The following ZFP36L2 variants were observed in gnomAD, a reference collection of about 807,000 sequenced individuals.
ZFP36L2 encodes the protein ZFP36 like 2 zinc finger CCCH-type, also known as mRNA decay activator protein ZFP36L2.
In ZFP36L2, 16 loss-of-function variants were observed where a neutral mutation model predicts 27.9. The observed-to-expected ratio is 0.57, with a 90% CI of 0.39 to 0.87. ZFP36L2 has a LOEUF of 0.87. Ranked by LOEUF, ZFP36L2 falls within the 40% of genes least tolerant of loss-of-function variation. The pLI is 0.00. For synonymous variants in ZFP36L2, 600 were observed against 363.8 expected (o/e 1.65, Z -7.39); for missense variants, 989 against 726.9 (o/e 1.36, Z -4.15).
chr2:43,225,524 C>G lies in ZFP36L2; in HGVS notation c.280G>C (p.Gly94Arg). 2 of 1,585,936 alleles carry G rather than the reference C, an allele frequency of 1.3e-6. No homozygotes were observed. The highest frequency in any genetic ancestry group is 1.1e-5 in the South Asian group (1 of 89,166). The change falls in exon 2 of 2, where the codon GGT (glycine) becomes CGT (arginine). Residue 94 changes from glycine (G) to arginine (R), a missense_variant. Transcript: ENST00000282388. Reference sequence around the variant, plus strand: ...TTAAGGGTGCCGTAGGAGGTCGGACCGCCGGCCGCCGCGCTGCCGCAGCTG... The same window carrying G: ...TTAAGGGTGCCGTAGGAGGTCGGACGGCCGGCCGCCGCGCTGCCGCAGCTG... ...GSSCGSAAAG[G>R]PTSYGTLKEP...
Position 43,225,632 on chromosome 2 carries a change from C to G in ZFP36L2, c.172G>C (p.Ala58Pro). 6.4e-7 allele frequency: 1 copy of G among 1,570,614 alleles called. No individual in the cohort carries two copies. The highest frequency in any genetic ancestry group is 8.6e-7 in the Non-Finnish European group (1 of 1,166,372). The change falls in exon 2 of 2, where the codon GCC (alanine) becomes CCC (proline). Residue 58 changes from alanine (A) to proline (P), a missense_variant. Transcript: ENST00000282388. ...FAPGFLRRHS[A>P]SNLHALAHPA... The stretch of plus-strand genomic sequence containing the variant: ...TGGGCGAGTGCATGCAGGTTGCTGG[C>G]CGAGTGCCGTCGGAGGAATCCCGGC...
In ZFP36L2 at chr2:43,223,434, T is replaced by C. The variant is rs1470905837; in HGVS notation, c.*885A>G. 1 of 152,304 alleles carries C rather than the reference T, an allele frequency of 6.6e-6. No individual in the cohort carries two copies. Among genetic ancestry groups the C allele is most frequent in the Non-Finnish European group, 1.5e-5 (1 of 68,044 alleles). 9.4% of individuals were successfully genotyped at this position (152,304 alleles called of 1,614,324 possible). A position where few individuals can be genotyped will look rare whatever the true frequency, so the allele number is the denominator to read the frequency against. On this transcript the variant is annotated 3_prime_UTR_variant, in exon 2 of 2. Transcript: ENST00000282388. The stretch of plus-strand genomic sequence containing the variant: ...TGATAAATACAGTATGAACAAAATT[T>C]TCATTGTATACTTTTCACAAGATAA...
chr2:43,222,465 C>A lies in ZFP36L2; in HGVS notation c.*1854G>T, dbSNP rs1266104381. 6.6e-6 allele frequency: 1 copy of A among 152,340 alleles called. No individual in the cohort carries two copies. Among genetic ancestry groups the A allele is most frequent in the Non-Finnish European group, 1.5e-5 (1 of 68,032 alleles). 9.4% of individuals were successfully genotyped at this position (152,340 alleles called of 1,614,324 possible). On this transcript the variant is annotated 3_prime_UTR_variant, in exon 2 of 2. Transcript: ENST00000282388. The stretch of plus-strand genomic sequence containing the variant: ...CAAAACATTTACAGTACAATGTTTA[C>A]AGTCACAATTTGTAGTGAGCTGATT...
In ZFP36L2 at chr2:43,226,556, C is replaced by A. The variant is rs1667112484; in HGVS notation, c.-241G>T. The A allele has an allele frequency of 7.9e-6, 4 of 509,488 alleles. No individual in the cohort carries two copies. Among genetic ancestry groups the A allele is most frequent in the Non-Finnish European group, 1.4e-5 (4 of 293,182 alleles). 31.6% of individuals were successfully genotyped at this position (509,488 alleles called of 1,614,324 possible). On this transcript the variant is annotated 5_prime_UTR_variant, in exon 1 of 2. Transcript: ENST00000282388. The stretch of plus-strand genomic sequence containing the variant: ...GCGCTCCTCCGCGCCCCGGGGTGCC[C>A]GGCCCGCCCCCCCCGCGGAGCCGAC...
Position 43,224,721 on chromosome 2 carries a change from G to T in ZFP36L2, c.1083C>A (p.Asn361Lys). 6.5e-7 allele frequency: 1 copy of T among 1,530,864 alleles called. No homozygotes were observed. Among genetic ancestry groups the T allele is most frequent in the Non-Finnish European group, 8.7e-7 (1 of 1,145,404 alleles). The allele number at this position is 1,530,864 out of a possible 1,614,324, so 94.8% of individuals were successfully genotyped here. A position where few individuals can be genotyped will look rare whatever the true frequency, so the allele number is the denominator to read the frequency against. Residue 361 changes from asparagine to lysine, a missense_variant, in exon 2 of 2, where the codon AAC becomes AAA. Physicochemically the swap from Asn to Lys is moderately conservative, Grantham distance 94. Transcript: ENST00000282388. ...AACSSASCAN[N>K]AFAFGPELSS... ...TGAGCTCCGGACCGAAGGCGAAGGC[G>T]TTGTTGGCGCACGAGGCCGACGAGC...
At chr2:43,226,163 C>T in intron 1 of ZFP36L2, 102 bp downstream of exon 1, 1 of 1,492,884 alleles carries the variant, frequency 6.7e-7, no homozygotes, top group Non-Finnish European at 9.1e-7. Context: ...CTTTCCCGAC[C>T]TGAAAGGCAG....
Position 43,226,369 on chromosome 2 carries a change from C to G in ZFP36L2, c.-54G>C. On this transcript the variant is annotated 5_prime_UTR_variant, in exon 1 of 2. Transcript: ENST00000282388. Reference sequence around the variant, plus strand: ...GCAGGCCGGGAGGTCGGGAGGAGCCCTTGGGGCGGCGTGGCCGGGCTTGAG... The same window carrying G: ...GCAGGCCGGGAGGTCGGGAGGAGCCGTTGGGGCGGCGTGGCCGGGCTTGAG... The G allele has an allele frequency of 1.9e-6, 3 of 1,552,644 alleles. No individual in the cohort carries two copies. Among genetic ancestry groups the G allele is most frequent in the Non-Finnish European group, 2.6e-6 (3 of 1,147,320 alleles).
At chr2:43,226,153 CT>C in intron 1 of ZFP36L2, 111 bp downstream of exon 1, 1 of 1,458,392 alleles carries the variant, frequency 6.9e-7, no homozygotes, top group African/African-American at 1.4e-5. Context: ...AACCCCGGGA[CT>C]TTCCCGACCT....
Position 43,224,697 on chromosome 2 carries a change from G to C in ZFP36L2, c.1107C>G (p.Leu369=). 1 of 1,540,380 alleles carries C rather than the reference G, an allele frequency of 6.5e-7. No individual in the cohort carries two copies. The change falls in exon 2 of 2, where the codon CTC becomes CTG. Residue 369 remains leucine, a synonymous_variant. Coordinates refer to ENST00000282388, the MANE Select transcript of ZFP36L2 (RefSeq NM_006887.5). Reference sequence around the variant, plus strand: ...TGGCGAGCGGCGTGATGAGGCTGCTGAGCTCCGGACCGAAGGCGAAGGCGT... The same window carrying C: ...TGGCGAGCGGCGTGATGAGGCTGCTCAGCTCCGGACCGAAGGCGAAGGCGT... The part of the protein sequence containing the change: ...ANNAFAFGPE[L]SSLITPLAIQ...
At position 43,224,675 on chromosome 2, in the gene ZFP36L2, C is replaced by T. The variant is rs1344468585; in HGVS notation, c.1129G>A (p.Ala377Thr). 24 of 1,538,990 alleles carry T rather than the reference C, an allele frequency of 1.6e-5. No individual in the cohort carries two copies. The highest frequency in any genetic ancestry group is 2.7e-5 in the East Asian group (1 of 37,072). ...GCGGCAAAGTTGTGGGTCTGGATGG[C>T]GAGCGGCGTGATGAGGCTGCTGAGC... ...PELSSLITPL[A>T]IQTHNFAAVA... The change falls in exon 2 of 2, where the codon GCC becomes ACC. Residue 377 changes from alanine (A) to threonine (T), a missense_variant. Transcript: ENST00000282388.
At position 43,225,726 on chromosome 2, in the gene ZFP36L2, G is replaced by C. The variant is rs149420126; in HGVS notation, c.78C>G (p.Asn26Lys). ...CCTTCTTGTCCAGCATGTTGTTCAG[G>C]TTGAGGTTGGCCAGGGATTTCTCTG... ...CKTEKSLANL[N>K]LNNMLDKKAV... Residue 26 changes from asparagine to lysine, a missense_variant, in exon 2 of 2, where the codon AAC becomes AAG. By Grantham distance (94) the Asn-to-Lys change is moderately conservative. Coordinates refer to ENST00000282388, the MANE Select transcript of ZFP36L2 (RefSeq NM_006887.5). The C allele has an allele frequency of 1.0e-5, 16 of 1,594,316 alleles. No individual in the cohort carries two copies. The African/African-American group carries it at 1.9e-4, about 19-fold the overall frequency.
chr2:43,226,414 A>C lies in ZFP36L2; in HGVS notation c.-99T>G, dbSNP rs374175115. The stretch of plus-strand genomic sequence containing the variant: ...CTTGAGCCACGACGAATAACGGGCG[A>C]GGGGCGGGGAGGGGCCGAAAGTTTG... On this transcript the variant is annotated 5_prime_UTR_variant, in exon 1 of 2. Transcript: ENST00000282388. 1.6e-5 allele frequency: 21 copies of C among 1,342,764 alleles called. No individual in the cohort carries two copies. The African/African-American group carries it at 2.9e-4, about 18-fold the overall frequency. 83.2% of individuals were successfully genotyped at this position (1,342,764 alleles called of 1,614,324 possible). A position where few individuals can be genotyped will look rare whatever the true frequency, so the allele number is the denominator to read the frequency against.
Position 43,224,346 on chromosome 2 carries a change from G to T in ZFP36L2, c.1458C>A (p.Phe486Leu), listed in dbSNP as rs776287290. 3 of 1,573,850 alleles carry T rather than the reference G, an allele frequency of 1.9e-6. No individual in the cohort carries two copies. The highest frequency in any genetic ancestry group is 2.6e-6 in the Non-Finnish European group (3 of 1,164,480). The part of the protein sequence containing the change: ...SLDPGRRLPI[F>L]SRLSISDD ...AGTCGTCGGAGATGGAGAGGCGGCT[G>T]AAGATTGGCAGGCGGCGGCCAGGGT... Residue 486 changes from phenylalanine to leucine, a missense_variant, in exon 2 of 2, where the codon TTC (phenylalanine) becomes TTA (leucine). Coordinates refer to ENST00000282388, the MANE Select transcript of ZFP36L2 (RefSeq NM_006887.5).
rs1317968120 is a variant in ZFP36L2 at position 43,224,083 on chromosome 2, G to C, written c.*236C>G. Reference sequence around the variant, plus strand: ...AAAGTTCGACTTTTTTGCTCAAAAAGAATGAAACTTCGTAATAAAAATAAA... The same window carrying C: ...AAAGTTCGACTTTTTTGCTCAAAAACAATGAAACTTCGTAATAAAAATAAA... On this transcript the variant is annotated 3_prime_UTR_variant, in exon 2 of 2. Coordinates refer to ENST00000282388, the MANE Select transcript of ZFP36L2 (RefSeq NM_006887.5). 2.6e-6 allele frequency: 1 copy of C among 388,330 alleles called. No homozygotes were observed. The highest frequency in any genetic ancestry group is 4.5e-6 in the Non-Finnish European group (1 of 224,200). The allele number at this position is 388,330 out of a possible 1,614,324, so 24.1% of individuals were successfully genotyped here. A position where few individuals can be genotyped will look rare whatever the true frequency, so the allele number is the denominator to read the frequency against.
In ZFP36L2 at chr2:43,224,735, A is replaced by T; in HGVS notation, c.1069T>A (p.Ser357Thr). ...AAGGCGAAGGCGTTGTTGGCGCACG[A>T]GGCCGACGAGCAGGCCGCGCACGGG... ...GAPCAACSSASCANNAFAFGP... is the reference protein window; with the variant it reads ...GAPCAACSSATCANNAFAFGP... The change falls in exon 2 of 2, where the codon TCG becomes ACG. Residue 357 changes from serine (S) to threonine (T), a missense_variant. Physicochemically the swap from Ser to Thr is moderately conservative, Grantham distance 58 (BLOSUM62 1). Coordinates refer to ENST00000282388, the MANE Select transcript of ZFP36L2 (RefSeq NM_006887.5). 6.6e-7 allele frequency: 1 copy of T among 1,521,880 alleles called. No individual in the cohort carries two copies. Among genetic ancestry groups the T allele is most frequent in the Non-Finnish European group, 8.8e-7 (1 of 1,141,786 alleles). The allele number at this position is 1,521,880 out of a possible 1,614,324, so 94.3% of individuals were successfully genotyped here. A position where few individuals can be genotyped will look rare whatever the true frequency, so the allele number is the denominator to read the frequency against.
rs376965197 is a variant in ZFP36L2, at chr2:43,225,708, G to C, written c.96C>G (p.Asp32Glu). The change falls in exon 2 of 2, where the codon GAC becomes GAG. Residue 32 changes from aspartate to glutamate, a missense_variant. Physicochemically the swap from Asp to Glu is conservative, Grantham distance 45. Transcript: ENST00000282388. ...LANLNLNNML[D>E]KKAVGTPVAA... Reference sequence around the variant, plus strand: ...CCACAGGCGTCCCCACCGCCTTCTTGTCCAGCATGTTGTTCAGGTTGAGGT... The same window carrying C: ...CCACAGGCGTCCCCACCGCCTTCTTCTCCAGCATGTTGTTCAGGTTGAGGT... The C allele has an allele frequency of 1.3e-6, 2 of 1,595,592 alleles. No homozygotes were observed. Among genetic ancestry groups the C allele is most frequent in the South Asian group, 1.1e-5 (1 of 90,890 alleles).
intron 1 of ZFP36L2, 63 bp from the exon 2 acceptor site, chr2:43,225,815 A>G: frequency 6.7e-7 from 1 of 1,488,210 alleles, no homozygotes; most frequent in South Asian, 1.2e-5. Context: ...ACTCGGGGCG[A>G]GCCGCAGAGG....
rs774625316 is a variant in ZFP36L2 at position 43,224,760 on chromosome 2, G to A, written c.1044C>T (p.Ala348=). The A allele has an allele frequency of 6.7e-7, 1 of 1,493,640 alleles. No homozygotes were observed. The highest frequency in any genetic ancestry group is 8.9e-7 in the Non-Finnish European group (1 of 1,128,836). The allele number at this position is 1,493,640 out of a possible 1,614,324, so 92.5% of individuals were successfully genotyped here. The part of the protein sequence containing the change: ...GGAEDLLAPG[A]PCAACSSASC... ...AGGCCGACGAGCAGGCCGCGCACGG[G>A]GCCCCCGGCGCCAGCAGGTCCTCGG... The change falls in exon 2 of 2, where the codon GCC becomes GCT. Residue 348 remains alanine, a synonymous_variant. Transcript: ENST00000282388.
In ZFP36L2 at chr2:43,224,819, C is replaced by A; in HGVS notation, c.985G>T (p.Ala329Ser). ...PTCCASAAAA[A>S]AAALLYGTGG... is the part of the protein sequence containing the mutation. ...GTGCCGTACAGCAGAGCGGCCGCAGCCGCGGCCGCCGCGGAGGCGCAGCAT... is the reference window on the plus strand; with the variant it reads ...GTGCCGTACAGCAGAGCGGCCGCAGACGCGGCCGCCGCGGAGGCGCAGCAT... The change falls in exon 2 of 2, where the codon GCT becomes TCT. Residue 329 changes from alanine to serine, a missense_variant. Transcript: ENST00000282388. 11 of 1,420,014 alleles carry A rather than the reference C, an allele frequency of 7.7e-6. No individual in the cohort carries two copies. Among genetic ancestry groups the A allele is most frequent in the Non-Finnish European group, 1.0e-5 (11 of 1,100,478 alleles). The allele number at this position is 1,420,014 out of a possible 1,614,324, so 88.0% of individuals were successfully genotyped here.
Sources: allele counts gnomAD v4.1 joint callset, GRCh38; gene constraint gnomAD v4.1.1; transcripts MANE v1.5; gene names NCBI Gene and HGNC (gene_info 2026-07-23, HGNC 2026-07-21).